Variants in LRRC4C observed in about 807,000 individuals in gnomAD.
LRRC4C encodes the protein leucine rich repeat containing 4C, also known as leucine-rich repeat-containing protein 4C.
A neutral mutation model predicts 33.6 loss-of-function variants in LRRC4C; 5 were observed. The observed-to-expected ratio is 0.15, with a 90% CI of 0.08 to 0.31. The LOEUF (loss-of-function observed/expected upper bound fraction) is 0.31. Among genes scored for constraint, LRRC4C ranks in the 10% least tolerant of loss-of-function variants. LRRC4C has a pLI of 1.00. For missense variants in LRRC4C, 560 were observed against 796.7 expected, an observed-to-expected ratio of 0.70 and a Z score of 3.58; for synonymous variants, 329 against 302.0, an observed-to-expected ratio of 1.09 and a Z score of -0.93.
intron 1 of LRRC4C, among the ~76,000 whole-genome samples, chr11:41,089,864 T>G (rs1940277859): frequency 6.6e-6 from 1 of 152,014 alleles, no homozygotes; most frequent in African/African-American, 2.4e-5. Flanking sequence ...TTTCTAATTT[T>G]TAGTAATATA....
intron 5 of LRRC4C, among the ~76,000 whole-genome samples, chr11:40,177,245 G>A (rs1180336552): frequency 6.6e-6 from 1 of 151,124 alleles, no homozygotes; most frequent in Non-Finnish European, 1.5e-5. Flanking sequence ...GAGCCACCGT[G>A]CCCGGGCTGC....
chr11:41,450,867 A>G (rs1955996869), intron 1 of LRRC4C, among the ~76,000 whole-genome samples: 1 of 152,144 alleles, frequency 6.6e-6, no homozygotes, highest in Non-Finnish European at 1.5e-5. Flanking sequence ...ACTGCTTCAC[A>G]ATATACATAT....
At chr11:41,125,958 G>T (rs940880524) in intron 1 of LRRC4C, among the ~76,000 whole-genome samples, 88 of 151,930 alleles carry the variant, frequency 5.8e-4, no homozygotes, top group African/African-American at 2.1e-3. Context: ...GCTATGTAAT[G>T]GGCAGGTATA....
intron 1 of LRRC4C, among the ~76,000 whole-genome samples, chr11:41,189,859 G>T (rs1945866485): frequency 6.6e-6 from 1 of 152,162 alleles, no homozygotes; most frequent in South Asian, 2.1e-4. Context: ...CATTGCACTG[G>T]TCTGCTGTCA....
At chr11:40,236,140 G>T (rs543773062) in intron 5 of LRRC4C, among the ~76,000 whole-genome samples, 5 of 150,256 alleles carry the variant, frequency 3.3e-5, no homozygotes, top group African/African-American at 1.2e-4. Context: ...CAGGAAAAAA[G>T]CTCTAAGACC....
chr11:40,518,660 A>G (rs1341951774), intron 3 of LRRC4C, among the ~76,000 whole-genome samples: 1 of 152,190 alleles, frequency 6.6e-6, no homozygotes, highest in East Asian at 1.9e-4. Context: ...TGGGAGTGTA[A>G]ATTAGTTCAA....
chr11:41,175,971 G>A (rs1945179326), intron 1 of LRRC4C, among the ~76,000 whole-genome samples: 1 of 152,062 alleles, frequency 6.6e-6, no homozygotes, highest in African/African-American at 2.4e-5. Context: ...TAGGACTTCT[G>A]TTATTCCCTT....
At chr11:40,949,617 A>C (rs1217040577) in intron 1 of LRRC4C, among the ~76,000 whole-genome samples, 1 of 152,114 alleles carries the variant, frequency 6.6e-6, no homozygotes, top group African/African-American at 2.4e-5. Flanking sequence ...AGCCAAACTA[A>C]GCTTCATAAC....
intron 1 of LRRC4C, among the ~76,000 whole-genome samples, chr11:41,012,596 T>C (rs947845979): frequency 1.3e-5 from 2 of 152,172 alleles, no homozygotes; most frequent in African/African-American, 4.8e-5. Flanking sequence ...TTTGAATATA[T>C]GCCCAGTAGT....
At chr11:40,840,065 C>T (rs1952846646) in intron 2 of LRRC4C, among the ~76,000 whole-genome samples, 1 of 152,028 alleles carries the variant, frequency 6.6e-6, no homozygotes, top group Admixed American at 6.6e-5. Context: ...ACTTGAATTT[C>T]CAGAGTGCCA....
intron 3 of LRRC4C, among the ~76,000 whole-genome samples, chr11:40,418,748 G>C (rs1186876158): frequency 1.3e-5 from 2 of 152,062 alleles, no homozygotes; most frequent in African/African-American, 4.8e-5. Context: ...AAGAAAATGG[G>C]GTACACATAC....
At chr11:41,445,865 C>CGTGTGTGTGTGT (rs748457357) in intron 1 of LRRC4C, among the ~76,000 whole-genome samples, 2,822 of 135,522 alleles carry the variant, frequency 0.021, 71 homozygotes, top group African/African-American at 0.051. Flanking sequence ...TGAGTGACTG[C>CGTGTGTGTGTGT]ATGTGTGTGT....
chr11:40,832,534 G>A (rs1224436299), intron 2 of LRRC4C, among the ~76,000 whole-genome samples: 1 of 151,994 alleles, frequency 6.6e-6, no homozygotes, highest in East Asian at 1.9e-4. Context: ...AACACTAGAT[G>A]GAATCAGAAG....
At chr11:41,341,591 C>T (rs987970729) in intron 1 of LRRC4C, among the ~76,000 whole-genome samples, 2 of 152,160 alleles carry the variant, frequency 1.3e-5, no homozygotes, top group African/African-American at 2.4e-5. Flanking sequence ...AAAATAGCAT[C>T]AGTTCTCAGT....
intron 3 of LRRC4C, among the ~76,000 whole-genome samples, chr11:40,405,113 T>C (rs1381906382): frequency 2.0e-4 from 30 of 152,032 alleles, no homozygotes; most frequent in Admixed American, 2.0e-3. Flanking sequence ...TGGTAACTAC[T>C]GTTGTATTCT....
intron 1 of LRRC4C, among the ~76,000 whole-genome samples, chr11:40,984,797 A>T (rs572036235): frequency 5.1e-4 from 76 of 150,160 alleles, no homozygotes; most frequent in Non-Finnish European, 9.6e-4. Flanking sequence ...CTACTCACTG[A>T]TCCTGAGGCA....
chr11:40,926,320 C>A (rs1000867588), intron 2 of LRRC4C, among the ~76,000 whole-genome samples: 7 of 152,108 alleles, frequency 4.6e-5, no homozygotes, highest in African/African-American at 1.7e-4. Context: ...AGACATGATG[C>A]AGCTAAGGAC....
intron 1 of LRRC4C, among the ~76,000 whole-genome samples, chr11:41,442,680 A>G (rs1407293034): frequency 1.3e-5 from 2 of 151,916 alleles, no homozygotes; most frequent in Admixed American, 6.6e-5. Flanking sequence ...TGTGTTAGCC[A>G]GGATGGTCTC....
chr11:40,295,748 T>C (rs549639315), intron 4 of LRRC4C, among the ~76,000 whole-genome samples: 1 of 152,296 alleles, frequency 6.6e-6, no homozygotes, highest in African/African-American at 2.4e-5. Context: ...TTGGAGAGCT[T>C]TGATGTTATG....
Sources: gnomAD v4.1 joint callset for allele counts (sites outside exome capture counted in the v4.1 genomes callset) on GRCh38, gnomAD v4.1.1 for gene constraint, MANE v1.5 for transcripts, NCBI Gene and HGNC (gene_info 2026-07-23, HGNC 2026-07-21) for gene names.